Variants in TRAF3IP3 observed in about 807,000 individuals in gnomAD.
TRAF3IP3 encodes TRAF3-interacting JNK-activating modulator.
A neutral mutation model predicts 86.5 loss-of-function variants in TRAF3IP3; 64 were observed. The observed-to-expected ratio is 0.74, with a 90% CI of 0.60 to 0.91. TRAF3IP3 has a LOEUF of 0.91. Ranked by LOEUF, TRAF3IP3 falls within the 40% of genes least tolerant of loss-of-function variation. TRAF3IP3 has a pLI of 0.00. For missense variants in TRAF3IP3, 579 were observed against 642.9 expected (o/e 0.90, Z 1.07); for synonymous variants, 220 against 243.9 (o/e 0.90, Z 0.91).
chr1:209,765,211 GAGGGAGAGAGAGAGAGAGGA>G, intron 8 of TRAF3IP3, among the ~76,000 whole-genome samples: 2 of 133,916 alleles, frequency 1.5e-5, no homozygotes, highest in African/African-American at 6.0e-5. Context: ...GAGAGAGAGA[GAGGGAGAGAGAGAGAGAGGA>G]AGGAAGGAAG....
intron 1 of TRAF3IP3, among the ~76,000 whole-genome samples, chr1:209,758,220 C>T (rs1307043458): frequency 6.6e-6 from 1 of 152,168 alleles, no homozygotes; most frequent in Admixed American, 6.5e-5. Context: ...GGACCACCCC[C>T]TATGCCCACT....
rs1302967589 is a variant in TRAF3IP3, at chr1:209,762,973, C to T, written c.552-95C>T. On this transcript the variant is annotated intron_variant, in intron 5 of 16. Transcript: ENST00000367025. ...TTAATTAAGAAAGAGGAAGCCCTTC[C>T]CCACCCTACTGGCTCTTCAGAAGGA... The T allele has an allele frequency of 4.4e-6, 7 of 1,592,874 alleles. No homozygotes were observed. The East Asian group carries it at 6.7e-5, about 15-fold the overall frequency.
At chr1:209,760,429 C>A in intron 3 of TRAF3IP3, 45 bp downstream of exon 3, 1 of 1,488,282 alleles carries the variant, frequency 6.7e-7, no homozygotes. Flanking sequence ...CTGGGACCCT[C>A]TCTGGACAAG....
In TRAF3IP3 at chr1:209,762,813, G is replaced by A; in HGVS notation, c.494G>A (p.Gly165Asp). 2 of 1,562,616 alleles carry A rather than the reference G, an allele frequency of 1.3e-6. No individual in the cohort carries two copies. Among genetic ancestry groups the A allele is most frequent in the Non-Finnish European group, 1.7e-6 (2 of 1,160,324 alleles). Residue 165 changes from glycine to aspartate, a missense_variant and splice_region_variant, in exon 5 of 17, where the codon GGT (glycine) becomes GAT (aspartate). Physicochemically the swap from Gly to Asp is moderately conservative, Grantham distance 94. Transcript: ENST00000367025. ...AATCAACTTATCCTCCATCTCTCAG[G>A]TACTCAGACAAAGGCAGAAGGACCA... ...PIKKPPKHHR[G>D]TQTKAEGPTI...
intron 1 of TRAF3IP3, among the ~76,000 whole-genome samples, chr1:209,757,405 G>A (rs936593118): frequency 6.6e-6 from 1 of 152,166 alleles, no homozygotes; most frequent in African/African-American, 2.4e-5. Context: ...AACCTGTGGG[G>A]AAGCTGAGCC....
At chr1:209,760,865 T>C (rs908366119) in intron 3 of TRAF3IP3, among the ~76,000 whole-genome samples, 4 of 152,022 alleles carry the variant, frequency 2.6e-5, no homozygotes, top group East Asian at 3.9e-4. Flanking sequence ...ACCCAGGAGT[T>C]TGAAGCTGCA....
chr1:209,764,844 A>T (rs943139381), intron 8 of TRAF3IP3, among the ~76,000 whole-genome samples: 2 of 152,068 alleles, frequency 1.3e-5, no homozygotes, highest in Admixed American at 6.6e-5. Flanking sequence ...AATTATTGAA[A>T]ATATATAAGA....
intron 1 of TRAF3IP3, among the ~76,000 whole-genome samples, chr1:209,757,161 C>G (rs545378471): frequency 2.0e-5 from 3 of 152,364 alleles, no homozygotes; most frequent in Admixed American, 6.5e-5. Context: ...TCTGGGAACA[C>G]TCCCCTCTCT....
chr1:209,768,093 C>G (rs1202439287), intron 8 of TRAF3IP3: 1 of 962,964 alleles, frequency 1.0e-6, no homozygotes, highest in African/African-American at 1.8e-5. Context: ...CTATCTCTTC[C>G]ATGAAAGCCT....
At chr1:209,757,104 T>C (rs992815001) in intron 1 of TRAF3IP3, among the ~76,000 whole-genome samples, 5 of 152,224 alleles carry the variant, frequency 3.3e-5, no homozygotes, top group African/African-American at 9.6e-5. Flanking sequence ...GGTAGGGTTC[T>C]ATGCAGCATG....
In TRAF3IP3 at chr1:209,763,492, G is replaced by C; in HGVS notation, c.607G>C (p.Glu203Gln). 2 of 1,614,160 alleles carry C rather than the reference G, an allele frequency of 1.2e-6. No individual in the cohort carries two copies. The highest frequency in any genetic ancestry group is 2.2e-5 in the South Asian group (2 of 91,086). ...TTGCACTTTGTGCCCGCACCCCCAGGAGGCCCTACAAAGGGAGCTGGTCCT... is the reference window on the plus strand; with the variant it reads ...TTGCACTTTGTGCCCGCACCCCCAGCAGGCCCTACAAAGGGAGCTGGTCCT... ...EIIQLSDYLK[E>Q]ALQRELVLKQ... The change falls in exon 8 of 17, where the codon GAG (glutamate) becomes CAG (glutamine). Residue 203 changes from glutamate to glutamine, a missense_variant and splice_region_variant. Coordinates refer to ENST00000367025, the MANE Select transcript of TRAF3IP3 (RefSeq NM_025228.4).
intron 8 of TRAF3IP3, among the ~76,000 whole-genome samples, chr1:209,770,655 G>C (rs1332915863): frequency 6.9e-6 from 1 of 145,536 alleles, no homozygotes; most frequent in Non-Finnish European, 1.5e-5. Flanking sequence ...ACATGTGCAT[G>C]TGAAGGTGTG....
intron 8 of TRAF3IP3, chr1:209,768,561 T>C: frequency 1.0e-6 from 1 of 985,654 alleles, no homozygotes; most frequent in African/African-American, 1.7e-5. Context: ...AGCTGTGGGC[T>C]GGTGCTTCTG....
chr1:209,759,957 T>C, intron 2 of TRAF3IP3, 25 bp from the exon 3 acceptor site: 1 of 1,190,230 alleles, frequency 8.4e-7, no homozygotes, highest in Non-Finnish European at 1.2e-6. Context: ...CCCCTCCCCT[T>C]CTCCTCCCTC....
intron 8 of TRAF3IP3, among the ~76,000 whole-genome samples, chr1:209,766,391 A>T (rs769182810): frequency 6.6e-6 from 1 of 152,240 alleles, no homozygotes; most frequent in Non-Finnish European, 1.5e-5. Context: ...AGGGGCAAAG[A>T]GCATTACAGT....
chr1:209,759,813 G>C (rs2077213648), intron 2 of TRAF3IP3, among the ~76,000 whole-genome samples, 169 bp from the exon 3 acceptor site: 1 of 152,200 alleles, frequency 6.6e-6, no homozygotes, highest in South Asian at 2.1e-4. Flanking sequence ...TAGTTCATTA[G>C]AGACTGAGCC....
rs1014945519 is a variant in TRAF3IP3 at position 209,775,972 on chromosome 1, C to T, written c.1053+236C>T. The T allele has an allele frequency of 8.8e-5, 36 of 411,398 alleles. 1 individual carries two copies. The highest frequency in any genetic ancestry group is 8.3e-4 in the East Asian group (21 of 25,438). 25.5% of individuals were successfully genotyped at this position (411,398 alleles called of 1,614,324 possible). On this transcript the variant is annotated intron_variant, in intron 11 of 16. Transcript: ENST00000367025. ...GAACTAAGCGTTCATTGGAATGACA[C>T]CATCACCACCCAAATGAAAAGAACT...
chr1:209,770,320 C>G lies in TRAF3IP3; in HGVS notation c.703-2628C>G, dbSNP rs552093563. The stretch of plus-strand genomic sequence containing the variant: ...GTGTGCATGTGGAAATGTATGTATG[C>G]AGGTGGAGGTGTGTGTGTGGAGATG... On this transcript the variant is annotated intron_variant, in intron 8 of 16. Transcript: ENST00000367025. Among the ~76,000 whole-genome samples the G allele has an allele frequency of 2.6e-5, 4 of 152,152 alleles. No individual in the cohort carries two copies. The South Asian group carries it at 8.3e-4, about 32-fold the overall frequency.
At chr1:209,780,917 T>C (rs2077764381) in intron 15 of TRAF3IP3, 1 of 194,294 alleles carries the variant, frequency 5.1e-6, no homozygotes, top group African/African-American at 2.3e-5. Context: ...AGTCTTTATA[T>C]GTCTCTTAAA....
Sources: gnomAD v4.1 joint callset for allele counts (sites outside exome capture counted in the v4.1 genomes callset) on GRCh38, gnomAD v4.1.1 for gene constraint, MANE v1.5 for transcripts, NCBI Gene and HGNC (gene_info 2026-07-23, HGNC 2026-07-21) for gene names.